Variants in RYR2 observed in about 807,000 individuals in gnomAD.
The protein encoded by RYR2 is cardiac muscle ryanodine receptor-calcium release channel.
Under a neutral mutation model 601.1 loss-of-function variants are expected in RYR2, and 227 were observed. That is an observed-to-expected ratio of 0.38 (90% CI 0.34 to 0.42). The LOEUF is 0.42. Among genes scored for constraint, RYR2 ranks in the 10% least tolerant of loss-of-function variants. RYR2 has a pLI of 1.00. For synonymous variants in RYR2, 2,223 were observed against 2,175.1 expected (o/e 1.02, Z -0.61); for missense variants, 4,646 against 6,156.5 (o/e 0.75, Z 8.21).
Position 237,395,533 on chromosome 1 carries a change from C to CT in RYR2, c.773+7381dup, listed in dbSNP as rs71180022. ...AGGACACGTCCGCTAGTAGGACTGT[C>CT]TTTTTTTTTTTTTTTTTTTTTTTTT... is the stretch of plus-strand genomic sequence containing the variant. On this transcript the variant is annotated intron_variant, in intron 10 of 104. Coordinates refer to ENST00000366574, the MANE Select transcript of RYR2 (RefSeq NM_001035.3). Among the ~76,000 whole-genome samples the CT allele has an allele frequency of 8.9e-3, 776 of 87,390 alleles. 60 individuals carry two copies. The highest frequency in any genetic ancestry group is 0.015 in the Middle Eastern group (2 of 134). 57.3% of individuals were successfully genotyped at this position (87,390 alleles called of 152,430 possible).
intron 1 of RYR2, among the ~76,000 whole-genome samples, chr1:237,193,222 T>A (rs1680190417): frequency 6.7e-6 from 1 of 148,976 alleles, no homozygotes; most frequent in African/African-American, 2.5e-5. Flanking sequence ...TCACAGCACT[T>A]TGGGAGGCCG....
intron 29 of RYR2, among the ~76,000 whole-genome samples, chr1:237,585,341 C>G (rs1443910365): frequency 6.6e-6 from 1 of 152,126 alleles, no homozygotes; most frequent in Non-Finnish European, 1.5e-5. Flanking sequence ...ATTCCTATCT[C>G]ATTGGATGGT....
Position 237,655,484 on chromosome 1 carries a change from A to G in RYR2, c.7966-337A>G, listed in dbSNP as rs145975139. 3.9e-3 allele frequency among the ~76,000 whole-genome samples: 591 copies of G among 152,318 alleles called. 1 individual carries two copies. Among genetic ancestry groups the G allele is most frequent in the East Asian group, 0.021 (108 of 5,186 alleles). On this transcript the variant is annotated intron_variant, in intron 52 of 104. Transcript: ENST00000366574. The stretch of plus-strand genomic sequence containing the variant: ...GTACAGGAATTATCTATAACTAACT[A>G]TAAGGAATGTAGTCCCTATTGACTG...
chr1:237,482,282 A>G (rs1279415252), intron 17 of RYR2, among the ~76,000 whole-genome samples: 1 of 152,120 alleles, frequency 6.6e-6, no homozygotes, highest in East Asian at 1.9e-4. Context: ...TGTGCTATCT[A>G]GTAGTAGGTC....
At chr1:237,194,180 A>G (rs1405649130) in intron 1 of RYR2, among the ~76,000 whole-genome samples, 1 of 152,200 alleles carries the variant, frequency 6.6e-6, no homozygotes, top group Non-Finnish European at 1.5e-5. Context: ...AAGGAACTCT[A>G]TGAATTTTGA....
intron 16 of RYR2, among the ~76,000 whole-genome samples, chr1:237,468,709 G>A (rs575337636): frequency 8.5e-4 from 130 of 152,168 alleles, no homozygotes; most frequent in Non-Finnish European, 1.3e-3. Flanking sequence ...TTATTCTATA[G>A]GTAAGAAAAT....
At chr1:237,208,936 G>GTGTGTGTA (rs1418847642) in intron 1 of RYR2, among the ~76,000 whole-genome samples, 9 of 89,874 alleles carry the variant, frequency 1.0e-4, no homozygotes, top group Admixed American at 5.1e-4. Context: ...ATGTGTGTGT[G>GTGTGTGTA]TATATATATA....
chr1:237,580,469 TAAAAAA>T (rs34856679), intron 29 of RYR2, among the ~76,000 whole-genome samples: 1 of 149,218 alleles, frequency 6.7e-6, no homozygotes, highest in Non-Finnish European at 1.5e-5. Flanking sequence ...AACAATGCTT[TAAAAAA>T]AAAAAAAATG....
At chr1:237,228,768 GA>G (rs558431748) in intron 1 of RYR2, among the ~76,000 whole-genome samples, 1 of 150,166 alleles carries the variant, frequency 6.7e-6, no homozygotes, top group Non-Finnish European at 1.5e-5. Context: ...CCTCATAAGG[GA>G]AAAAAAAAGA....
rs568591316 is a variant in RYR2, at chr1:237,282,020, C to A, written c.168+11404C>A. Reference sequence around the variant, plus strand: ...AGAGTGCCTGCTGCCACTGTTAGAACCCTGGTTATAGAGTATATACTGCAG... The same window carrying A: ...AGAGTGCCTGCTGCCACTGTTAGAAACCTGGTTATAGAGTATATACTGCAG... On this transcript the variant is annotated intron_variant, in intron 2 of 104. Transcript: ENST00000366574. Among the ~76,000 whole-genome samples, 238 of 148,868 alleles carry A rather than the reference C, an allele frequency of 1.6e-3. 1 individual carries two copies. Among genetic ancestry groups the A allele is most frequent in the Middle Eastern group, 0.014 (4 of 294 alleles).
chr1:237,627,804 C>T lies in RYR2; in HGVS notation c.6167-3C>T, dbSNP rs1327145604. The T allele has an allele frequency of 2.5e-6, 4 of 1,591,506 alleles. No individual in the cohort carries two copies. The African/African-American group carries it at 4.0e-5, about 16-fold the overall frequency. Reference sequence around the variant, plus strand: ...TTAAAAAATATCCATAATGACTTTGCAGCCACTCTGCAGCAGCTGATTTCT... The same window carrying T: ...TTAAAAAATATCCATAATGACTTTGTAGCCACTCTGCAGCAGCTGATTTCT... On this transcript the variant is annotated splice_region_variant and splice_polypyrimidine_tract_variant and intron_variant, in intron 40 of 104. Coordinates refer to ENST00000366574, the MANE Select transcript of RYR2 (RefSeq NM_001035.3).
intron 88 of RYR2, among the ~76,000 whole-genome samples, chr1:237,780,238 A>C (rs1694985656): frequency 6.6e-6 from 1 of 152,192 alleles, no homozygotes; most frequent in Non-Finnish European, 1.5e-5. Flanking sequence ...GTCAGTATGG[A>C]GTTATTGGTG....
chr1:237,787,116 T>A (rs1030889020), intron 91 of RYR2, among the ~76,000 whole-genome samples: 1 of 152,142 alleles, frequency 6.6e-6, no homozygotes, highest in Non-Finnish European at 1.5e-5. Flanking sequence ...AAATGTCAAT[T>A]CTTCTAATTC....
intron 50 of RYR2, 61 bp downstream of exon 50, chr1:237,650,158 C>G (rs536545718): frequency 9.7e-6 from 14 of 1,436,924 alleles, no homozygotes; most frequent in East Asian, 6.8e-5. Context: ...TACAATGTGG[C>G]CTTTGACAAA....
chr1:237,377,268 A>G (rs1395533069), intron 7 of RYR2, 55 bp from the exon 8 acceptor site: 1 of 1,332,432 alleles, frequency 7.5e-7, no homozygotes, highest in African/African-American at 1.5e-5. Flanking sequence ...GGCAAAGAAA[A>G]TAGATTTTAA....
At chr1:237,496,170 G>A (rs567629372) in intron 19 of RYR2, among the ~76,000 whole-genome samples, 2 of 152,286 alleles carry the variant, frequency 1.3e-5, no homozygotes, top group African/African-American at 2.4e-5. Context: ...TTGGGAGGTC[G>A]AGGCAGGAGG....
In RYR2 at chr1:237,496,721, C is replaced by G; in HGVS notation, c.2172C>G (p.Ser724=). ...GGNGVGDDLF[S]YGFDGLHLWS... Reference sequence around the variant, plus strand: ...ATGGTGTTGGAGATGATCTCTTCTCCTATGGATTTGATGGCCTTCATCTCT... The same window carrying G: ...ATGGTGTTGGAGATGATCTCTTCTCGTATGGATTTGATGGCCTTCATCTCT... Residue 724 remains serine, a synonymous_variant, in exon 20 of 105, where the codon TCC becomes TCG. Coordinates refer to ENST00000366574, the MANE Select transcript of RYR2 (RefSeq NM_001035.3). 1 of 1,613,886 alleles carries G rather than the reference C, an allele frequency of 6.2e-7. No homozygotes were observed. Among genetic ancestry groups the G allele is most frequent in the Non-Finnish European group, 8.5e-7 (1 of 1,179,814 alleles).
chr1:237,539,633 T>C (rs1373722345), intron 25 of RYR2, among the ~76,000 whole-genome samples: 1 of 152,066 alleles, frequency 6.6e-6, no homozygotes, highest in Non-Finnish European at 1.5e-5. Context: ...AAGTGGGAGC[T>C]CAACAATGAG....
chr1:237,226,324 T>C (rs2149165515), intron 1 of RYR2, among the ~76,000 whole-genome samples: 1 of 152,322 alleles, frequency 6.6e-6, no homozygotes, highest in Non-Finnish European at 1.5e-5. Context: ...GGTAGTTGTG[T>C]TTCCTTTCCA....
Sources: gnomAD v4.1 joint callset for allele counts (sites outside exome capture counted in the v4.1 genomes callset) on GRCh38, gnomAD v4.1.1 for gene constraint, MANE v1.5 for transcripts, NCBI Gene and HGNC (gene_info 2026-07-23, HGNC 2026-07-21) for gene names.